Variants in PVT1 observed in about 807,000 individuals in gnomAD.
PVT1 encodes the protein CXCR4/PVT1 fusion.
intron 2 of PVT1, among the ~76,000 whole-genome samples, chr8:127,857,518 A>G (rs1454570681): frequency 6.6e-6 from 1 of 152,048 alleles, no homozygotes; most frequent in Non-Finnish European, 1.5e-5. Context: ...ACAAAAAATA[A>G]AAAATTAGCT....
chr8:127,908,561 C>CA (rs1295581667), intron 3 of PVT1, among the ~76,000 whole-genome samples: 1 of 152,098 alleles, frequency 6.6e-6, no homozygotes, highest in Non-Finnish European at 1.5e-5. Flanking sequence ...AGGCTGGTCT[C>CA]AAACTCCTGA....
At chr8:128,060,657 C>T (rs1813819185) in intron 4 of PVT1, among the ~76,000 whole-genome samples, 1 of 152,166 alleles carries the variant, frequency 6.6e-6, no homozygotes, top group Non-Finnish European at 1.5e-5. Context: ...CCTTAGGCCA[C>T]AATGCCAAAC....
intron 4 of PVT1, among the ~76,000 whole-genome samples, chr8:128,030,335 C>T (rs1392270128): frequency 6.6e-6 from 1 of 152,026 alleles, no homozygotes; most frequent in Non-Finnish European, 1.5e-5. Context: ...ATATTAAATT[C>T]TTGCATATAC....
chr8:127,992,431 T>A (rs1817054480), intron 4 of PVT1, among the ~76,000 whole-genome samples: 1 of 151,996 alleles, frequency 6.6e-6, no homozygotes, highest in Non-Finnish European at 1.5e-5. Flanking sequence ...AAAGACAGGG[T>A]CTTAGCTATG....
At chr8:128,012,220 A>G (rs138244273) in intron 4 of PVT1, among the ~76,000 whole-genome samples, 1 of 152,284 alleles carries the variant, frequency 6.6e-6, no homozygotes, top group South Asian at 2.1e-4. Context: ...AGAGGAATAC[A>G]TGGGCAGAGT....
chr8:127,995,744 C>A (rs1323937931), intron 4 of PVT1, among the ~76,000 whole-genome samples: 2 of 152,132 alleles, frequency 1.3e-5, no homozygotes, highest in African/African-American at 2.4e-5. Flanking sequence ...CATGGTGTTT[C>A]AAGCACTTTA....
At chr8:127,896,654 G>C (rs1201912989) in intron 3 of PVT1, among the ~76,000 whole-genome samples, 2 of 151,804 alleles carry the variant, frequency 1.3e-5, no homozygotes, top group Non-Finnish European at 2.9e-5. Context: ...TGGGGTACAT[G>C]TGCAGGATGT....
At chr8:128,011,769 A>G (rs1394539361) in intron 4 of PVT1, among the ~76,000 whole-genome samples, 1 of 152,184 alleles carries the variant, frequency 6.6e-6, no homozygotes, top group Non-Finnish European at 1.5e-5. Flanking sequence ...GAAGAGGTCA[A>G]ATATACTTCT....
chr8:127,821,660 A>C (rs1279910341), intron 2 of PVT1, among the ~76,000 whole-genome samples: 1 of 152,054 alleles, frequency 6.6e-6, no homozygotes, highest in Non-Finnish European at 1.5e-5. Flanking sequence ...AATACACAAA[A>C]AATTAGCTGG....
chr8:128,056,829 C>T (rs959778659), intron 4 of PVT1, among the ~76,000 whole-genome samples: 13 of 152,192 alleles, frequency 8.5e-5, no homozygotes, highest in Non-Finnish European at 1.9e-4. Context: ...CGCTTCTGAT[C>T]GTGGCGGGTC....
chr8:127,937,343 G>C (rs1421698785), intron 3 of PVT1, among the ~76,000 whole-genome samples: 4 of 151,814 alleles, frequency 2.6e-5, no homozygotes, highest in African/African-American at 9.7e-5. Context: ...TGCCTCCTGG[G>C]TTCAAGTGAT....
intron 3 of PVT1, among the ~76,000 whole-genome samples, chr8:127,953,346 T>C (rs937432269): frequency 9.8e-5 from 15 of 152,320 alleles, no homozygotes; most frequent in Non-Finnish European, 2.1e-4. Flanking sequence ...GATCTTGATG[T>C]TGGAGATATC....
chr8:127,799,436 T>C (rs551856923), intron 2 of PVT1, among the ~76,000 whole-genome samples: 17 of 152,322 alleles, frequency 1.1e-4, no homozygotes, highest in African/African-American at 3.1e-4. Flanking sequence ...AAGAAAGAAC[T>C]GCTTTGTCTT....
At chr8:128,080,604 A>G (rs143899061) in intron 5 of PVT1, among the ~76,000 whole-genome samples, 2 of 152,208 alleles carry the variant, frequency 1.3e-5, no homozygotes, top group Non-Finnish European at 2.9e-5. Context: ...TATACTTTGT[A>G]TAAAATTCCT....
At chr8:127,939,535 C>G (rs1465754504) in intron 3 of PVT1, 1 of 152,310 alleles carries the variant, frequency 6.6e-6, no homozygotes. Flanking sequence ...AGCCTTCTCC[C>G]GAGGTGCGCG....
chr8:127,961,832 G>GCC (rs982777887), intron 3 of PVT1, among the ~76,000 whole-genome samples: 1 of 152,112 alleles, frequency 6.6e-6, no homozygotes, highest in Non-Finnish European at 1.5e-5. Context: ...AGCTCCAGAG[G>GCC]CCCCCCCTGC....
intron 4 of PVT1, among the ~76,000 whole-genome samples, chr8:128,019,809 C>G (rs1817413351): frequency 6.6e-6 from 1 of 152,212 alleles, no homozygotes; most frequent in South Asian, 2.1e-4. Flanking sequence ...CAGCTTGGCA[C>G]TCGGAGGCTA....
At chr8:127,867,291 G>C (rs988400567) in intron 2 of PVT1, among the ~76,000 whole-genome samples, 1 of 152,240 alleles carries the variant, frequency 6.6e-6, no homozygotes, top group African/African-American at 2.4e-5. Flanking sequence ...AGCCGCCACA[G>C]CCTGGCAGTC....
At chr8:128,030,298 A>G (rs940500558) in intron 4 of PVT1, among the ~76,000 whole-genome samples, 3 of 152,216 alleles carry the variant, frequency 2.0e-5, no homozygotes, top group Non-Finnish European at 2.9e-5. Context: ...AATGCATTTT[A>G]TATACTTTTC....
Sources: allele counts gnomAD v4.1 joint callset (sites outside exome capture counted in the v4.1 genomes callset), GRCh38; gene constraint gnomAD v4.1.1; transcripts MANE v1.5; gene names NCBI Gene and HGNC (gene_info 2026-07-23, HGNC 2026-07-21).